PHIP: variants seen among roughly 807,000 people sequenced by gnomAD.
PHIP encodes PH-interacting protein.
Under a neutral mutation model 236.8 loss-of-function variants are expected in PHIP, and 54 were observed. The ratio of observed to expected loss-of-function variants is 0.23; its 90% confidence interval spans 0.18 to 0.29. PHIP has a LOEUF of 0.29. PHIP is among the 10% of genes least tolerant of loss of function. PHIP has a pLI of 1.00. For synonymous variants in PHIP, 756 were observed against 718.9 expected (o/e 1.05, Z -0.83); for missense variants, 1,370 against 2,190.8 (o/e 0.63, Z 7.48).
chr6:79,068,540 G>A (rs1317278244), intron 4 of PHIP, among the ~76,000 whole-genome samples: 2 of 152,284 alleles, frequency 1.3e-5, no homozygotes, highest in South Asian at 2.1e-4. Context: ...CTAAGGCTGA[G>A]GGTGGGAAAA....
At chr6:79,077,292 C>T (rs1031944245) in intron 4 of PHIP, among the ~76,000 whole-genome samples, 156 bp downstream of exon 4, 3 of 151,992 alleles carry the variant, frequency 2.0e-5, no homozygotes, top group Non-Finnish European at 4.4e-5. Flanking sequence ...GCCACTGGCC[C>T]CCGCAGACCC....
intron 15 of PHIP, among the ~76,000 whole-genome samples, chr6:79,006,723 A>G (rs1421639516): frequency 1.3e-5 from 2 of 152,046 alleles, no homozygotes; most frequent in Non-Finnish European, 2.9e-5. Flanking sequence ...ATAGAGTGAA[A>G]CTAATAAGTA....
At chr6:79,003,620 A>T (rs1039616504) in intron 16 of PHIP, 110 bp downstream of exon 16, 1 of 730,804 alleles carries the variant, frequency 1.4e-6, no homozygotes, top group African/African-American at 1.8e-5. Context: ...GATTCTTCGA[A>T]TTTTATCCTG....
chr6:79,035,985 T>C (rs1771911440), intron 7 of PHIP, among the ~76,000 whole-genome samples: 1 of 152,146 alleles, frequency 6.6e-6, no homozygotes, highest in African/African-American at 2.4e-5. Flanking sequence ...TAACCATCAC[T>C]TGCTCTGATA....
At chr6:79,021,318 T>C (rs555334063) in intron 9 of PHIP, among the ~76,000 whole-genome samples, 1 of 152,314 alleles carries the variant, frequency 6.6e-6, no homozygotes, top group African/African-American at 2.4e-5. Flanking sequence ...GGCTAATTCT[T>C]ATATTTTTAG....
chr6:78,952,361 G>C (rs1774209680), intron 35 of PHIP, among the ~76,000 whole-genome samples: 2 of 148,738 alleles, frequency 1.3e-5, no homozygotes, highest in African/African-American at 5.0e-5. Flanking sequence ...AGAGTTTGTA[G>C]TGAGCCGAGA....
In PHIP at chr6:78,954,878, T is replaced by A; in HGVS notation, c.3989A>T (p.Asn1330Ile). 6.3e-7 allele frequency: 1 copy of A among 1,585,738 alleles called. No homozygotes were observed. The highest frequency in any genetic ancestry group is 2.3e-5 in the East Asian group (1 of 43,940). The change falls in exon 35 of 40, where the codon AAT becomes ATT. Residue 1330 changes from asparagine to isoleucine, a missense_variant. Physicochemically the swap from Asn to Ile is moderately radical, Grantham distance 149. This residue lies in a region of PHIP where 125 missense variants were observed against 235.1 expected (regional missense o/e 0.53). Coordinates refer to ENST00000275034, the MANE Select transcript of PHIP (RefSeq NM_017934.7). Reference protein sequence around the residue: ...AWKKQCEELLNLIFQCEDSEP... With the variant: ...AWKKQCEELLILIFQCEDSEP... ...TGAATCTTCACATTGAAATATGAGATTTAACAATTCTTCACACTGTTTCTT... is the reference window on the plus strand; with the variant it reads ...TGAATCTTCACATTGAAATATGAGAATTAACAATTCTTCACACTGTTTCTT...
chr6:79,060,421 T>A (rs1773315841), intron 6 of PHIP, 57 bp downstream of exon 6: 1 of 1,218,400 alleles, frequency 8.2e-7, no homozygotes, highest in Non-Finnish European at 1.2e-6. Flanking sequence ...AACCTTTTCA[T>A]TTTCAAAAGC....
At chr6:79,023,780 T>C (rs1771252038) in intron 9 of PHIP, among the ~76,000 whole-genome samples, 1 of 152,182 alleles carries the variant, frequency 6.6e-6, no homozygotes, top group Non-Finnish European at 1.5e-5. Context: ...CATGAAATGT[T>C]ATTGTACTTA....
chr6:78,946,363 T>C (rs541024126), intron 37 of PHIP, 103 bp from the exon 38 acceptor site: 223 of 1,400,232 alleles, frequency 1.6e-4, no homozygotes, highest in Non-Finnish European at 3.8e-6. Flanking sequence ...TTATGAAATA[T>C]GTTAAAATAT....
intron 6 of PHIP, among the ~76,000 whole-genome samples, chr6:79,046,545 AG>A (rs1772495334): frequency 6.6e-6 from 1 of 152,196 alleles, no homozygotes; most frequent in Non-Finnish European, 1.5e-5. Flanking sequence ...GAGCTGACAC[AG>A]GTTGGTGAAT....
In PHIP at chr6:78,938,137, A is replaced by G. The variant is rs1773340601; in HGVS notation, c.*2556T>C. 6.6e-6 allele frequency: 1 copy of G among 151,720 alleles called. No homozygotes were observed. The highest frequency in any genetic ancestry group is 6.6e-5 in the Admixed American group (1 of 15,234). The allele number at this position is 151,720 out of a possible 1,614,324, so 9.4% of individuals were successfully genotyped here. A position where few individuals can be genotyped will look rare whatever the true frequency, so the allele number is the denominator to read the frequency against. On this transcript the variant is annotated 3_prime_UTR_variant, in exon 40 of 40. Coordinates refer to ENST00000275034, the MANE Select transcript of PHIP (RefSeq NM_017934.7). ...TTCTGTAATGCATAGAAGCTAAATT[A>G]TAAAAATATAAAATCTAAATATATT...
chr6:79,055,262 T>A (rs1773011167), intron 6 of PHIP, among the ~76,000 whole-genome samples: 1 of 152,206 alleles, frequency 6.6e-6, no homozygotes, highest in Non-Finnish European at 1.5e-5. Context: ...TGCTTTAATT[T>A]AATGTATTAC....
chr6:78,965,679 A>G (rs1554197504), intron 29 of PHIP, 24 bp downstream of exon 29: 4 of 1,369,460 alleles, frequency 2.9e-6, no homozygotes, highest in East Asian at 4.6e-5. Context: ...TAATGGAGAA[A>G]CAAAAAGCCT....
At chr6:79,062,434 C>T (rs908162577) in intron 4 of PHIP, among the ~76,000 whole-genome samples, 6 of 152,246 alleles carry the variant, frequency 3.9e-5, no homozygotes, top group East Asian at 1.9e-4. Flanking sequence ...ATTTAGAAGT[C>T]TAGAATACTT....
chr6:79,014,828 A>T (rs2127740304), intron 15 of PHIP, among the ~76,000 whole-genome samples: 1 of 151,944 alleles, frequency 6.6e-6, no homozygotes, highest in East Asian at 1.9e-4. Context: ...GTGAATTTCC[A>T]AAGTTTCACT....
chr6:78,975,642 A>C (rs1767998848), intron 24 of PHIP, among the ~76,000 whole-genome samples: 1 of 152,178 alleles, frequency 6.6e-6, no homozygotes, highest in African/African-American at 2.4e-5. Context: ...CTCAGCCCAA[A>C]ATCTCCTTAA....
At position 78,941,039 on chromosome 6, in the gene PHIP, T is replaced by G. The variant is rs1773475746; in HGVS notation, c.5120A>C (p.Gln1707Pro). The G allele has an allele frequency of 6.2e-7, 1 of 1,613,956 alleles. No homozygotes were observed. Among genetic ancestry groups the G allele is most frequent in the Admixed American group, 1.7e-5 (1 of 59,998 alleles). ...CTTCCTACCTCCACGATTCTTTTTC[T>G]GTAACAAATCTTCCTTTACATTATT... ...ETNNVKEDLL[Q>P]KKNRGGRKPK... is the part of the protein sequence containing the mutation. The change falls in exon 40 of 40, where the codon CAG (glutamine) becomes CCG (proline). Residue 1707 changes from glutamine (Q) to proline (P), a missense_variant. By Grantham distance (76) the Gln-to-Pro change is moderately conservative. Transcript: ENST00000275034.
At chr6:79,022,549 T>C (rs2127745866) in intron 9 of PHIP, among the ~76,000 whole-genome samples, 1 of 152,288 alleles carries the variant, frequency 6.6e-6, no homozygotes, top group East Asian at 1.9e-4. Flanking sequence ...GTTATAGGGA[T>C]TGAGATAACA....
Sources: gnomAD v4.1 joint callset for allele counts (sites outside exome capture counted in the v4.1 genomes callset) on GRCh38, gnomAD v4.1.1 for gene constraint, gnomAD v4.1.1 regional missense constraint, MANE v1.5 for transcripts, NCBI Gene and HGNC (gene_info 2026-07-23, HGNC 2026-07-21) for gene names.